The following CDKAL1 variants were observed in gnomAD, a reference collection of about 807,000 sequenced individuals.
CDKAL1 encodes threonylcarbamoyladenosine tRNA methylthiotransferase.
A neutral mutation model predicts 68.2 loss-of-function variants in CDKAL1; 32 were observed. The ratio of observed to expected loss-of-function variants is 0.47; its 90% CI spans 0.35 to 0.63. The LOEUF (loss-of-function observed/expected upper bound fraction) is 0.63, where lower values mean the gene tolerates loss of function less well. Among genes scored for constraint, CDKAL1 ranks in the 30% least tolerant of loss-of-function variants. CDKAL1 has a pLI of 0.00. For missense variants in CDKAL1, 606 were observed against 696.7 expected, an observed-to-expected ratio of 0.87 and a Z score of 1.47; for synonymous variants, 234 against 244.3, an observed-to-expected ratio of 0.96 and a Z score of 0.39.
intron 8 of CDKAL1, among the ~76,000 whole-genome samples, chr6:20,806,073 G>A (rs973484739): frequency 6.6e-6 from 1 of 152,254 alleles, no homozygotes; most frequent in East Asian, 1.9e-4. Flanking sequence ...TGTCACAGGG[G>A]TTTGCTGTAC....
At chr6:20,984,183 T>C (rs1436336730) in intron 10 of CDKAL1, among the ~76,000 whole-genome samples, 3 of 152,212 alleles carry the variant, frequency 2.0e-5, no homozygotes, top group Non-Finnish European at 2.9e-5. Flanking sequence ...CTACTACTAC[T>C]GAAGCAGGAT....
At chr6:21,194,872 G>C (rs1279070143) in intron 13 of CDKAL1, among the ~76,000 whole-genome samples, 1 of 152,086 alleles carries the variant, frequency 6.6e-6, no homozygotes, top group Non-Finnish European at 1.5e-5. Context: ...TTCTCTTAAA[G>C]GTTGTATTTG....
rs751328082 is a variant in CDKAL1, at chr6:20,853,386, C to CAA, written c.742+7211_742+7212dup. On this transcript the variant is annotated intron_variant, in intron 9 of 15. Transcript: ENST00000274695. ...ACAGAGGGGATTTCGTCTCAAAAAA[C>CAA]AAAACAAAAAAAAAACAAAAAAAAA... Among the ~76,000 whole-genome samples the CAA allele has an allele frequency of 3.1e-3, 101 of 32,428 alleles. 1 individual carries two copies. The highest frequency in any genetic ancestry group is 0.016 in the East Asian group (37 of 2,290). The allele number at this position is 32,428 out of a possible 152,430, so 21.3% of individuals were successfully genotyped here.
intron 11 of CDKAL1, among the ~76,000 whole-genome samples, chr6:21,048,321 G>A (rs1162735691): frequency 5.9e-5 from 9 of 152,076 alleles, no homozygotes; most frequent in Admixed American, 3.9e-4. Flanking sequence ...TGACCTGATC[G>A]GGGTAAACTG....
intron 9 of CDKAL1, among the ~76,000 whole-genome samples, chr6:20,899,768 A>G (rs1761873055): frequency 6.6e-6 from 1 of 152,208 alleles, no homozygotes; most frequent in Non-Finnish European, 1.5e-5. Context: ...ACTTGAACCC[A>G]GGAGGCAGAG....
chr6:20,853,578 C>T (rs1001600988), intron 9 of CDKAL1, among the ~76,000 whole-genome samples: 2 of 152,114 alleles, frequency 1.3e-5, no homozygotes, highest in African/African-American at 4.8e-5. Flanking sequence ...CCTTTAAGAA[C>T]TAATATAGAT....
intron 8 of CDKAL1, among the ~76,000 whole-genome samples, chr6:20,798,362 T>G (rs1250095394): frequency 1.3e-5 from 2 of 152,162 alleles, no homozygotes; most frequent in African/African-American, 4.8e-5. Context: ...GAAATTTATG[T>G]CAGTTTTAAA....
At chr6:21,071,387 C>T (rs1309337871) in intron 12 of CDKAL1, among the ~76,000 whole-genome samples, 1 of 152,152 alleles carries the variant, frequency 6.6e-6, no homozygotes, top group Non-Finnish European at 1.5e-5. Context: ...GCCCCTTCCA[C>T]CGTGATTGTA....
chr6:20,665,209 A>G (rs1266745508), intron 5 of CDKAL1, among the ~76,000 whole-genome samples: 4 of 152,138 alleles, frequency 2.6e-5, no homozygotes. Flanking sequence ...CCTCTTATAT[A>G]AAAAGTGTTT....
chr6:21,209,465 T>C (rs1345311999), intron 15 of CDKAL1, among the ~76,000 whole-genome samples: 1 of 152,194 alleles, frequency 6.6e-6, no homozygotes, highest in Admixed American at 6.5e-5. Flanking sequence ...GAATGAAATC[T>C]TAGAGATGGA....
At chr6:20,761,239 C>T (rs1446802213) in intron 7 of CDKAL1, among the ~76,000 whole-genome samples, 1 of 152,130 alleles carries the variant, frequency 6.6e-6, no homozygotes, top group Non-Finnish European at 1.5e-5. Flanking sequence ...AACTATACAC[C>T]TGGTACAATG....
intron 5 of CDKAL1, among the ~76,000 whole-genome samples, chr6:20,675,840 A>G (rs1770067780): frequency 6.6e-6 from 1 of 152,064 alleles, no homozygotes; most frequent in Non-Finnish European, 1.5e-5. Context: ...GTACTTCAGG[A>G]GGGATTCCAG....
At chr6:20,903,314 A>G (rs1762092761) in intron 9 of CDKAL1, among the ~76,000 whole-genome samples, 1 of 152,188 alleles carries the variant, frequency 6.6e-6, no homozygotes, top group Non-Finnish European at 1.5e-5. Flanking sequence ...CCCAAGCATC[A>G]TTATTTGGAG....
At chr6:20,786,071 A>G (rs1217174174) in intron 8 of CDKAL1, among the ~76,000 whole-genome samples, 1 of 152,134 alleles carries the variant, frequency 6.6e-6, no homozygotes, top group Non-Finnish European at 1.5e-5. Flanking sequence ...AAATACAAAA[A>G]TTAGCTGGAT....
chr6:20,653,411 G>T (rs1021152237), intron 5 of CDKAL1, among the ~76,000 whole-genome samples: 1 of 152,144 alleles, frequency 6.6e-6, no homozygotes, highest in Non-Finnish European at 1.5e-5. Flanking sequence ...TTGCAAGTCT[G>T]TTGGTGATGA....
chr6:20,764,794 C>A (rs1774621732), intron 7 of CDKAL1, among the ~76,000 whole-genome samples: 1 of 152,076 alleles, frequency 6.6e-6, no homozygotes, highest in East Asian at 1.9e-4. Flanking sequence ...TCAATAGTTG[C>A]ATTTCAATAA....
At chr6:21,024,723 T>C (rs1768868099) in intron 11 of CDKAL1, among the ~76,000 whole-genome samples, 1 of 152,156 alleles carries the variant, frequency 6.6e-6, no homozygotes, top group Non-Finnish European at 1.5e-5. Context: ...AACACAGCTG[T>C]TCCTGCTTTG....
In CDKAL1 at chr6:20,783,774, A is replaced by G. The variant is rs116064635; in HGVS notation, c.638+2509A>G. On this transcript the variant is annotated intron_variant, in intron 8 of 15. Coordinates refer to ENST00000274695, the MANE Select transcript of CDKAL1 (RefSeq NM_017774.3). ...ACAATGTAAGCTCCTTGGGGGCTGA[A>G]TGTGTTTCAGTTGTCATTACATTAT... is the stretch of plus-strand genomic sequence containing the variant. Among the ~76,000 whole-genome samples the G allele has an allele frequency of 3.5e-3, 530 of 152,280 alleles. 9 individuals are homozygous for G. The highest frequency in any genetic ancestry group is 0.027 in the Middle Eastern group (8 of 294).
chr6:20,744,833 G>A (rs1312648015), intron 6 of CDKAL1, among the ~76,000 whole-genome samples: 1 of 152,166 alleles, frequency 6.6e-6, no homozygotes, highest in Non-Finnish European at 1.5e-5. Flanking sequence ...GCTTTGTGTA[G>A]TTTTTCTGTG....
Sources: allele counts gnomAD v4.1 joint callset (sites outside exome capture counted in the v4.1 genomes callset), GRCh38; gene constraint gnomAD v4.1.1; transcripts MANE v1.5; gene names NCBI Gene and HGNC (gene_info 2026-07-23, HGNC 2026-07-21).